ADH1A: variants seen among roughly 807,000 people sequenced by gnomAD.
ADH1A encodes the protein alcohol dehydrogenase 1A (class I), alpha polypeptide.
ADH1A carries 29 observed loss-of-function variants against 35.2 expected under a neutral mutation model. The observed-to-expected ratio is 0.82, with a 90% confidence interval of 0.61 to 1.12. The LOEUF is 1.12. Ranked by LOEUF, ADH1A falls within the 50% of genes most tolerant of loss-of-function variation. The pLI is 0.00. For synonymous variants in ADH1A, 147 were observed against 164.8 expected, an observed-to-expected ratio of 0.89 and a Z score of 0.83; for missense variants, 469 against 464.7, an observed-to-expected ratio of 1.01 and a Z score of -0.09.
chr4:99,288,730 G>GATACTAAA (rs1733218084), intron 1 of ADH1A: 1 of 152,160 alleles, frequency 6.6e-6, no homozygotes, highest in Non-Finnish European at 1.5e-5. Flanking sequence ...CTAATAGTAG[G>GATACTAAA]AGTTCCTGAT....
intron 6 of ADH1A, among the ~76,000 whole-genome samples, chr4:99,281,578 C>T (rs1733002405): frequency 6.6e-6 from 1 of 152,050 alleles, no homozygotes; most frequent in African/African-American, 2.4e-5. Context: ...TGTACTTCAG[C>T]CTAAGTGACA....
chr4:99,287,202 T>A (rs1733173766), intron 2 of ADH1A, among the ~76,000 whole-genome samples: 1 of 152,194 alleles, frequency 6.6e-6, no homozygotes, highest in African/African-American at 2.4e-5. Flanking sequence ...TTTAGAATAA[T>A]CTGTGAAGTA....
At chr4:99,290,788 A>G (rs1579496958) in intron 1 of ADH1A, 109 bp downstream of exon 1, 11 of 1,155,938 alleles carry the variant, frequency 9.5e-6, no homozygotes, top group Non-Finnish European at 1.3e-5. Flanking sequence ...ATTTCAGTGT[A>G]TCATTTCTAA....
chr4:99,282,646 T>G (rs1335704827), intron 5 of ADH1A, 40 bp from the exon 6 acceptor site: 2 of 1,597,720 alleles, frequency 1.3e-6, no homozygotes, highest in South Asian at 1.1e-5. Context: ...TATAAAAACT[T>G]TATAAAGTGC....
chr4:99,284,617 C>T lies in ADH1A; in HGVS notation c.349G>A (p.Val117Ile). Residue 117 changes from valine to isoleucine, a missense_variant and splice_region_variant, in exon 5 of 9, where the codon GTA becomes ATA. By Grantham distance (29) the Val-to-Ile change is conservative (BLOSUM62 3). Transcript: ENST00000209668. ...PESNYCLKND[V>I]SNPQGTLQDG... is the part of the protein sequence containing the mutation. Reference sequence around the variant, plus strand: ...TGCAGGGTCCCCTGAGGATTGCTTACACTGGACAGTGCAATACAAAGACAC... The same window carrying T: ...TGCAGGGTCCCCTGAGGATTGCTTATACTGGACAGTGCAATACAAAGACAC... 1 of 1,614,202 alleles carries T rather than the reference C, an allele frequency of 6.2e-7. No individual in the cohort carries two copies.
intron 8 of ADH1A, among the ~76,000 whole-genome samples, chr4:99,276,949 G>A (rs1050655427): frequency 2.6e-5 from 4 of 152,052 alleles, no homozygotes; most frequent in Non-Finnish European, 4.4e-5. Flanking sequence ...TTATAATAAG[G>A]AATATAAAAC....
At chr4:99,286,021 C>CAAAAAAAA (rs397938892) in intron 3 of ADH1A, among the ~76,000 whole-genome samples, 3 of 85,258 alleles carry the variant, frequency 3.5e-5, no homozygotes, top group African/African-American at 9.2e-5. Flanking sequence ...GACTCCGTCT[C>CAAAAAAAA]AAAAAAAAAA....
chr4:99,282,259 C>A (rs1414630025), intron 6 of ADH1A, 87 bp downstream of exon 6: 1 of 1,612,216 alleles, frequency 6.2e-7, no homozygotes, highest in Admixed American at 1.7e-5. Context: ...TAAAAATATC[C>A]TTTATACAGA....
intron 3 of ADH1A, 183 bp downstream of exon 3, chr4:99,286,667 C>T (rs553899964): frequency 9.4e-6 from 9 of 962,358 alleles, no homozygotes; most frequent in African/African-American, 3.3e-5. Flanking sequence ...AGAATACATG[C>T]GTGCCTAAAG....
rs1733164314 is a variant in ADH1A at position 99,286,874 on chromosome 4, C to T, written c.235G>A (p.Glu79Lys). The part of the protein sequence containing the change: ...EAAGIVESVG[E>K]GVTTVKPGDK... ...CCTGGTTTGACTGTAGTCACCCCTT[C>T]TCCAACACTCTCCACGATGCCGGCT... The change falls in exon 3 of 9, where the codon GAA becomes AAA. Residue 79 changes from glutamate (E) to lysine (K), a missense_variant. Physicochemically the swap from Glu to Lys is moderately conservative, Grantham distance 56. Coordinates refer to ENST00000209668, the MANE Select transcript of ADH1A (RefSeq NM_000667.4). 2 of 1,614,142 alleles carry T rather than the reference C, an allele frequency of 1.2e-6. No individual in the cohort carries two copies. Among genetic ancestry groups the T allele is most frequent in the East Asian group, 2.2e-5 (1 of 44,874 alleles).
intron 5 of ADH1A, 118 bp from the exon 6 acceptor site, chr4:99,282,724 C>T: frequency 6.9e-7 from 1 of 1,454,848 alleles, no homozygotes. Context: ...CCTCTTTTGG[C>T]TTCAGTTGCT....
At chr4:99,278,288 C>T (rs112709968) in intron 8 of ADH1A, among the ~76,000 whole-genome samples, 115 of 152,134 alleles carry the variant, frequency 7.6e-4, no homozygotes, top group African/African-American at 2.6e-3. Context: ...TTGATGGCTA[C>T]TGTGTTCCAT....
At chr4:99,287,833 A>G (rs1465684762) in intron 1 of ADH1A, among the ~76,000 whole-genome samples, 168 bp from the exon 2 acceptor site, 3 of 152,252 alleles carry the variant, frequency 2.0e-5, no homozygotes, top group Non-Finnish European at 4.4e-5. Flanking sequence ...ATATATTTTA[A>G]AAAAGCAATA....
chr4:99,280,331 A>G, intron 6 of ADH1A, 52 bp from the exon 7 acceptor site: 2 of 1,610,020 alleles, frequency 1.2e-6, no homozygotes, highest in Non-Finnish European at 1.7e-6. Flanking sequence ...CATAGTTCCT[A>G]TTCATAATGC....
chr4:99,287,651 T>C lies in ADH1A; in HGVS notation c.33A>G (p.Lys11=). The C allele has an allele frequency of 6.2e-7, 1 of 1,614,020 alleles. No individual in the cohort carries two copies. Among genetic ancestry groups the C allele is most frequent in the South Asian group, 1.1e-5 (1 of 91,062 alleles). MSTAGKVIKC[K]AAVLWELKKP... is the part of the protein sequence containing the mutation. ...TCTTTAACTCCCATAGCACAGCTGCTTTGCATTTGATTACCTAGAAAAGCA... is the reference window on the plus strand; with the variant it reads ...TCTTTAACTCCCATAGCACAGCTGCCTTGCATTTGATTACCTAGAAAAGCA... The change falls in exon 2 of 9, where the codon AAA becomes AAG. Residue 11 remains lysine (K), a synonymous_variant. Transcript: ENST00000209668.
At chr4:99,281,342 G>A (rs1384623059) in intron 6 of ADH1A, 2 of 152,170 alleles carry the variant, frequency 1.3e-5, no homozygotes, top group Non-Finnish European at 2.9e-5. Flanking sequence ...CTAGAGATGT[G>A]TTTCCCATTG....
At chr4:99,281,423 T>C (rs1732997871) in intron 6 of ADH1A, among the ~76,000 whole-genome samples, 1 of 152,200 alleles carries the variant, frequency 6.6e-6, no homozygotes, top group Non-Finnish European at 1.5e-5. Flanking sequence ...TACTGCAAGA[T>C]TGGAAATAGT....
At chr4:99,279,756 G>A (rs1732952640) in intron 7 of ADH1A, among the ~76,000 whole-genome samples, 192 bp from the exon 8 acceptor site, 1 of 152,040 alleles carries the variant, frequency 6.6e-6, no homozygotes, top group Admixed American at 6.6e-5. Context: ...AGATAAACAA[G>A]GGTCCCTGGT....
At chr4:99,286,488 G>A (rs1733156312) in intron 3 of ADH1A, among the ~76,000 whole-genome samples, 2 of 152,072 alleles carry the variant, frequency 1.3e-5, no homozygotes, top group Middle Eastern at 3.2e-3. Context: ...CCATTTCTAG[G>A]TGTCTGGGCC....
Sources: allele counts gnomAD v4.1 joint callset (sites outside exome capture counted in the v4.1 genomes callset), GRCh38; gene constraint gnomAD v4.1.1; transcripts MANE v1.5; gene names NCBI Gene and HGNC (gene_info 2026-07-23, HGNC 2026-07-21).